PRH1: variants seen among roughly 807,000 people sequenced by gnomAD.
The protein encoded by PRH1 is salivary acidic proline-rich phosphoprotein 1/2.
PRH1 carries 7 observed loss-of-function variants against 7.9 expected under a neutral mutation model. That is an observed-to-expected ratio of 0.89 (90% CI 0.50 to 1.67). The LOEUF is 1.67. Among genes scored for constraint, PRH1 ranks in the 40% most tolerant of loss-of-function variants. The pLI is 0.00. For missense variants in PRH1, 109 were observed against 223.6 expected (o/e 0.49, Z 3.27); for synonymous variants, 45 against 80.8 (o/e 0.56, Z 2.38).
At chr12:10,882,101 GA>G in intron 3 of PRH1, 115 bp downstream of exon 3, 1 of 1,528,458 alleles carries the variant, frequency 6.5e-7, no homozygotes, top group South Asian at 1.3e-5. Context: ...ACAATTTTTA[GA>G]AATGTGTTCC....
chr12:11,091,113 C>CATATATATATATATATATATATAT (rs1447599116), intron 1 of PRH1, among the ~76,000 whole-genome samples: 3 of 5,664 alleles, frequency 5.3e-4, no homozygotes, highest in African/African-American at 7.8e-4. Flanking sequence ...CACACACACA[C>CATATATATATATATATATATATAT]ACATATATAT....
chr12:10,889,190 G>A (rs1019409349), upstream of PRH1, among the ~76,000 whole-genome samples: 1 of 152,068 alleles, frequency 6.6e-6, no homozygotes, highest in Non-Finnish European at 1.5e-5. Flanking sequence ...TTTAAAGATA[G>A]GTTTGTTGGA....
chr12:10,938,501 A>C, intron 2 of PRH1: 2 of 1,614,128 alleles, frequency 1.2e-6, no homozygotes, highest in Non-Finnish European at 1.7e-6. Flanking sequence ...GAGTAGGAAG[A>C]AAGTGATCAC....
chr12:11,046,982 T>C, intron 1 of PRH1: 1 of 483,974 alleles, frequency 2.1e-6, no homozygotes. Flanking sequence ...ATCATCAAGA[T>C]TAGTGGTTTG....
At chr12:10,997,910 T>G in intron 1 of PRH1, 70 of 1,401,204 alleles carry the variant, frequency 5.0e-5, no homozygotes, top group Non-Finnish European at 6.3e-5. Context: ...AATTCAGGCC[T>G]AATGTCACTG....
chr12:10,919,127 C>A (rs1156743049), intron 2 of PRH1, among the ~76,000 whole-genome samples: 3 of 152,010 alleles, frequency 2.0e-5, no homozygotes, highest in African/African-American at 7.2e-5. Flanking sequence ...CTCTTATTTA[C>A]TTTGGAAGAA....
chr12:11,166,425 C>A (rs970156248), intron 1 of PRH1: 1 of 152,174 alleles, frequency 6.6e-6, no homozygotes, highest in African/African-American at 2.4e-5. Context: ...TAATACAGAC[C>A]TAGGAGTGCA....
chr12:11,148,456 C>T (rs1436176186), intron 1 of PRH1, among the ~76,000 whole-genome samples: 32 of 143,752 alleles, frequency 2.2e-4, no homozygotes, highest in Admixed American at 1.1e-3. Flanking sequence ...TTTTGAGATA[C>T]GTCCCATCAA....
downstream of PRH1, among the ~76,000 whole-genome samples, chr12:11,119,152 T>A (rs1945818301): frequency 6.6e-6 from 1 of 152,108 alleles, no homozygotes; most frequent in Non-Finnish European, 1.5e-5. Context: ...AAAAAATAAC[T>A]GCAATGTTTG....
At chr12:11,069,092 A>AT (rs1429909717) in intron 1 of PRH1, among the ~76,000 whole-genome samples, 1 of 148,856 alleles carries the variant, frequency 6.7e-6, no homozygotes, top group Admixed American at 6.8e-5. Context: ...TAATTGTCAT[A>AT]TTTTTGCTAG....
At chr12:11,067,504 T>C (rs1207624353) in intron 1 of PRH1, among the ~76,000 whole-genome samples, 2 of 152,186 alleles carry the variant, frequency 1.3e-5, no homozygotes, top group African/African-American at 4.8e-5. Flanking sequence ...AAATTCATAT[T>C]AGCATTAAGA....
intron 1 of PRH1, among the ~76,000 whole-genome samples, chr12:11,080,143 T>A (rs1488927369): frequency 0.44 from 42,459 of 96,688 alleles, 4,902 homozygotes; most frequent in Non-Finnish European, 0.53. Flanking sequence ...CATCTTTTTT[T>A]AAATTTTCTT....
Position 11,076,218 on chromosome 12 carries a change from T to C in PRH1, n.124-29030A>G, listed in dbSNP as rs1258462801. Among the ~76,000 whole-genome samples the C allele has an allele frequency of 5.4e-5, 8 of 147,656 alleles. 1 individual carries two copies. In the Admixed American group the frequency reaches 5.5e-4, roughly 10 times the overall value. On this transcript the variant is annotated intron_variant and non_coding_transcript_variant, in intron 1 of 4. Coordinates refer to the PRH1 transcript ENST00000541977. Reference sequence around the variant, plus strand: ...AAGGCTGTACATTTCCTTCTTATAATAGAACTTGGTATCAATGGATACATC... The same window carrying C: ...AAGGCTGTACATTTCCTTCTTATAACAGAACTTGGTATCAATGGATACATC...
chr12:11,054,098 C>G (rs78475808), intron 1 of PRH1, among the ~76,000 whole-genome samples: 87 of 111,744 alleles, frequency 7.8e-4, no homozygotes, highest in South Asian at 1.6e-3. Flanking sequence ...GGGATTACAA[C>G]CATGAGCCAT....
At chr12:10,897,595 C>A (rs1425703472) in intron 2 of PRH1, among the ~76,000 whole-genome samples, 4 of 152,182 alleles carry the variant, frequency 2.6e-5, no homozygotes, top group Admixed American at 1.3e-4. Context: ...ACAGGCTGTA[C>A]AGGAAGCATG....
chr12:11,133,534 T>C (rs760852000), intron 1 of PRH1: 38 of 1,614,012 alleles, frequency 2.4e-5, no homozygotes, highest in Non-Finnish European at 3.0e-5. Context: ...AAATGGCACA[T>C]AACAGAAGAA....
chr12:11,061,353 G>A, intron 1 of PRH1: 1 of 1,598,154 alleles, frequency 6.3e-7, no homozygotes, highest in Non-Finnish European at 8.5e-7. Flanking sequence ...ACACAATGCT[G>A]CTCTTGTGAA....
At position 11,077,356 on chromosome 12, in the gene PRH1, T is replaced by C. The variant is rs564828737; in HGVS notation, n.124-30168A>G. On this transcript the variant is annotated intron_variant and non_coding_transcript_variant, in intron 1 of 4. Transcript: ENST00000541977. ...CTGTCCTTTCACTAAGCATGTGACCTGACATAAAACTGAAAGAAACGTCTG... is the reference window on the plus strand; with the variant it reads ...CTGTCCTTTCACTAAGCATGTGACCCGACATAAAACTGAAAGAAACGTCTG... The C allele has an allele frequency of 3.4e-5, 13 of 380,962 alleles. 2 individuals are homozygous for C. In the Middle Eastern group the frequency reaches 9.5e-4, roughly 28 times the overall value. 23.6% of individuals were successfully genotyped at this position (380,962 alleles called of 1,614,324 possible).
intron 2 of PRH1, among the ~76,000 whole-genome samples, chr12:10,918,043 A>G (rs1239909119): frequency 2.0e-5 from 3 of 152,218 alleles, no homozygotes; most frequent in Non-Finnish European, 4.4e-5. Flanking sequence ...TGCAGCCTTA[A>G]AAAGGAACAA....
Sources: gnomAD v4.1 joint callset for allele counts (sites outside exome capture counted in the v4.1 genomes callset) on GRCh38, gnomAD v4.1.1 for gene constraint, MANE v1.5 for transcripts, NCBI Gene and HGNC (gene_info 2026-07-23, HGNC 2026-07-21) for gene names.